PDLIM5: variants seen among roughly 807,000 people sequenced by gnomAD.
PDLIM5 encodes the protein PDZ and LIM domain 5.
Under a neutral mutation model 64.2 loss-of-function variants are expected in PDLIM5, and 34 were observed. That is an observed-to-expected ratio of 0.53 (90% CI 0.40 to 0.71). The LOEUF is 0.71. PDLIM5 is among the 30% of genes least tolerant of loss of function. The pLI, the probability that PDLIM5 is intolerant of heterozygous loss-of-function variation, is 0.00. For missense variants in PDLIM5, 683 were observed against 733.6 expected, an observed-to-expected ratio of 0.93 and a Z score of 0.80; for synonymous variants, 253 against 269.1, an observed-to-expected ratio of 0.94 and a Z score of 0.59.
chr4:94,591,816 C>T (rs567800572), intron 7 of PDLIM5, among the ~76,000 whole-genome samples: 20 of 152,356 alleles, frequency 1.3e-4, no homozygotes, highest in Admixed American at 1.2e-3. Context: ...TAATAAGCAT[C>T]CTGCATGCTA....
chr4:94,589,531 A>T (rs763871668), intron 7 of PDLIM5, among the ~76,000 whole-genome samples: 6 of 152,180 alleles, frequency 3.9e-5, no homozygotes, highest in Non-Finnish European at 7.3e-5. Flanking sequence ...GACATTTTAT[A>T]TTCCTAGCTT....
At chr4:94,516,211 A>G (rs928385108) in intron 2 of PDLIM5, among the ~76,000 whole-genome samples, 1 of 152,236 alleles carries the variant, frequency 6.6e-6, no homozygotes, top group African/African-American at 2.4e-5. Context: ...CTCCATGGCT[A>G]CATAAGGAAA....
At chr4:94,632,735 G>A (rs1740255614) in intron 8 of PDLIM5, among the ~76,000 whole-genome samples, 1 of 152,184 alleles carries the variant, frequency 6.6e-6, no homozygotes, top group South Asian at 2.1e-4. Flanking sequence ...GGAAGAGCAG[G>A]GAGGCGGAAG....
intron 2 of PDLIM5, among the ~76,000 whole-genome samples, chr4:94,481,371 C>A (rs1388678619): frequency 1.3e-5 from 2 of 148,286 alleles, no homozygotes; most frequent in African/African-American, 2.5e-5. Context: ...CTCACTGCAA[C>A]CTCCGCCTCC....
chr4:94,451,954 T>A lies in PDLIM5; in HGVS notation c.-84T>A, dbSNP rs1256638466. 1.3e-5 allele frequency: 2 copies of A among 152,082 alleles called. No homozygotes were observed. Among genetic ancestry groups the A allele is most frequent in the Non-Finnish European group, 2.9e-5 (2 of 68,058 alleles). 9.4% of individuals were successfully genotyped at this position (152,082 alleles called of 1,614,324 possible). A position where few individuals can be genotyped will look rare whatever the true frequency, so the allele number is the denominator to read the frequency against. ...CTCACCGCGAGTCACTTGTCAGCCCTTGTCTGAGGCGGAGGCAGCCCCGCG... is the reference window on the plus strand; with the variant it reads ...CTCACCGCGAGTCACTTGTCAGCCCATGTCTGAGGCGGAGGCAGCCCCGCG... On this transcript the variant is annotated 5_prime_UTR_variant, in exon 1 of 13. In the 5' UTR this introduces an upstream ATG that the reference lacks. Coordinates refer to ENST00000317968, the MANE Select transcript of PDLIM5 (RefSeq NM_006457.5).
chr4:94,605,686 G>C (rs904152736), intron 7 of PDLIM5, among the ~76,000 whole-genome samples: 4 of 152,118 alleles, frequency 2.6e-5, no homozygotes, highest in African/African-American at 4.8e-5. Flanking sequence ...TAATCAATAC[G>C]TGTAACACAT....
chr4:94,635,122 A>G (rs1286166085), intron 8 of PDLIM5, among the ~76,000 whole-genome samples: 1 of 152,242 alleles, frequency 6.6e-6, no homozygotes, highest in Non-Finnish European at 1.5e-5. Flanking sequence ...AAAGTTAACG[A>G]AAGAGATTCT....
intron 11 of PDLIM5, among the ~76,000 whole-genome samples, chr4:94,661,495 G>A (rs1742710281): frequency 6.6e-6 from 1 of 152,232 alleles, no homozygotes; most frequent in Admixed American, 6.5e-5. Context: ...TCTTATAACT[G>A]TAATCTATGT....
chr4:94,486,969 C>G (rs989075806), intron 2 of PDLIM5, among the ~76,000 whole-genome samples: 3 of 152,118 alleles, frequency 2.0e-5, no homozygotes, highest in African/African-American at 2.4e-5. Flanking sequence ...TGCCACTGCA[C>G]TCCAGCCTGG....
At chr4:94,462,854 C>T (rs1724027253) in intron 2 of PDLIM5, among the ~76,000 whole-genome samples, 1 of 152,168 alleles carries the variant, frequency 6.6e-6, no homozygotes, top group African/African-American at 2.4e-5. Context: ...CAGTTTCCAC[C>T]TGTCTTCTTT....
intron 1 of PDLIM5, among the ~76,000 whole-genome samples, chr4:94,453,138 C>T (rs909733669): frequency 1.8e-4 from 28 of 152,118 alleles, no homozygotes; most frequent in African/African-American, 6.3e-4. Context: ...TAGACTTTCC[C>T]TAAAAGAAAA....
chr4:94,456,954 A>G (rs546275366), intron 2 of PDLIM5: 41 of 991,476 alleles, frequency 4.1e-5, no homozygotes, highest in Admixed American at 1.1e-4. Context: ...TGGCTTTCCA[A>G]CAGTTATGCT....
At chr4:94,603,575 A>C (rs1005846210) in intron 7 of PDLIM5, among the ~76,000 whole-genome samples, 3 of 152,200 alleles carry the variant, frequency 2.0e-5, no homozygotes, top group Non-Finnish European at 4.4e-5. Context: ...TAGGACATAC[A>C]TACAGGGCAC....
At chr4:94,477,495 G>T (rs1253528914) in intron 2 of PDLIM5, among the ~76,000 whole-genome samples, 15 of 151,962 alleles carry the variant, frequency 9.9e-5, no homozygotes, top group Admixed American at 9.8e-4. Context: ...TCCTTTTTTG[G>T]AATTGGCCTT....
chr4:94,637,560 A>G (rs866678236), intron 8 of PDLIM5, among the ~76,000 whole-genome samples: 2 of 152,062 alleles, frequency 1.3e-5, no homozygotes, highest in Non-Finnish European at 1.5e-5. Flanking sequence ...CTCCGTCTCA[A>G]AAAAAAAGGA....
At chr4:94,630,404 T>G (rs1310209278) in intron 8 of PDLIM5, among the ~76,000 whole-genome samples, 1 of 152,120 alleles carries the variant, frequency 6.6e-6, no homozygotes, top group Non-Finnish European at 1.5e-5. Context: ...AGACAGAATC[T>G]CACTCTGTCA....
At chr4:94,611,286 A>G in intron 7 of PDLIM5, 1 of 1,142,416 alleles carries the variant, frequency 8.8e-7, no homozygotes. Context: ...TTAACAGGCC[A>G]GGTGAGAACA....
intron 2 of PDLIM5, among the ~76,000 whole-genome samples, chr4:94,460,148 C>T (rs1427199336): frequency 1.3e-5 from 2 of 152,162 alleles, no homozygotes; most frequent in Non-Finnish European, 2.9e-5. Flanking sequence ...TGTGTGTTCA[C>T]TCTGCTTTAA....
At chr4:94,455,723 T>C in intron 2 of PDLIM5, 1 of 1,442,002 alleles carries the variant, frequency 6.9e-7, no homozygotes, top group Non-Finnish European at 9.4e-7. Context: ...GGTTGTGCTA[T>C]GGGATTTTAA....
Sources: allele counts gnomAD v4.1 joint callset (sites outside exome capture counted in the v4.1 genomes callset), GRCh38; gene constraint gnomAD v4.1.1; transcripts MANE v1.5; gene names NCBI Gene and HGNC (gene_info 2026-07-23, HGNC 2026-07-21).